WARS1: variants seen among roughly 807,000 people sequenced by gnomAD.
The protein encoded by WARS1 is tryptophanyl-tRNA synthetase 1, also known as tryptophan--tRNA ligase, cytoplasmic.
Under a neutral mutation model 47.8 loss-of-function variants are expected in WARS1, and 17 were observed. That is an observed-to-expected ratio of 0.36 (90% CI 0.24 to 0.53). The LOEUF (loss-of-function observed/expected upper bound fraction) is 0.53, where lower values mean the gene tolerates loss of function less well. Among genes scored for constraint, WARS1 ranks in the 20% least tolerant of loss-of-function variants. WARS1 has a pLI of 0.91. For missense variants in WARS1, 434 were observed against 608.0 expected, an observed-to-expected ratio of 0.71 and a Z score of 3.01; for synonymous variants, 208 against 228.1, an observed-to-expected ratio of 0.91 and a Z score of 0.79.
chr14:100,366,574 G>A, intron 2 of WARS1: 1 of 655,174 alleles, frequency 1.5e-6, no homozygotes, highest in Non-Finnish European at 2.8e-6. Flanking sequence ...CTACCATTAA[G>A]ATCTCAGAGA....
intron 10 of WARS1, among the ~76,000 whole-genome samples, chr14:100,336,275 C>A (rs77988268): frequency 8.4e-3 from 956 of 113,680 alleles, no homozygotes; most frequent in Non-Finnish European, 9.3e-3. Context: ...GACTCTGTCT[C>A]AAAAAAAAAA....
chr14:100,366,366 G>C (rs1895995101), intron 2 of WARS1, among the ~76,000 whole-genome samples: 1 of 152,228 alleles, frequency 6.6e-6, no homozygotes. Context: ...TCACTCTCCA[G>C]GAAGTGGAAC....
intron 9 of WARS1, chr14:100,340,442 C>T (rs979240998): frequency 6.6e-6 from 1 of 152,228 alleles, no homozygotes; most frequent in Admixed American, 6.5e-5. Context: ...CAGGTACTCA[C>T]TCAGCAAAGC....
chr14:100,337,445 G>C (rs1190889889), intron 9 of WARS1, among the ~76,000 whole-genome samples: 1 of 152,168 alleles, frequency 6.6e-6, no homozygotes, highest in Non-Finnish European at 1.5e-5. Context: ...GGGCAGATGA[G>C]CTTTGAACCC....
intron 9 of WARS1, among the ~76,000 whole-genome samples, chr14:100,339,312 G>A (rs944811237): frequency 1.3e-5 from 2 of 151,426 alleles, no homozygotes; most frequent in Admixed American, 1.3e-4. Flanking sequence ...CATGCGAGGG[G>A]CTGGCGCAGT....
Position 100,369,261 on chromosome 14 carries a change from G to C in WARS1, c.-73-3C>G. The C allele has an allele frequency of 3.1e-6, 3 of 960,786 alleles. No individual in the cohort carries two copies. The highest frequency in any genetic ancestry group is 5.1e-5 in the South Asian group (2 of 39,060). The allele number at this position is 960,786 out of a possible 1,614,324, so 59.5% of individuals were successfully genotyped here. On this transcript the variant is annotated splice_polypyrimidine_tract_variant and splice_region_variant and intron_variant, in intron 1 of 10. Transcript: ENST00000392882. ...TTTGTTCAGCAGACGAGTCAAGACT[G>C]GGGTGGGGGCGGGGAAGGAGAGAGA...
At chr14:100,344,784 G>C (rs993057717) in intron 7 of WARS1, among the ~76,000 whole-genome samples, 8 of 151,300 alleles carry the variant, frequency 5.3e-5, no homozygotes, top group Non-Finnish European at 1.0e-4. Flanking sequence ...GACCCCATCC[G>C]GGAGGTGAGG....
chr14:100,334,989 G>A lies in WARS1; in HGVS notation c.1302C>T (p.Leu434=), dbSNP rs1216835334. 4 of 1,614,010 alleles carry A rather than the reference G, an allele frequency of 2.5e-6. No individual in the cohort carries two copies. The highest frequency in any genetic ancestry group is 2.7e-5 in the African/African-American group (2 of 74,910). Residue 434 remains leucine (L), a synonymous_variant, in exon 11 of 11, where the codon CTC becomes CTT. Coordinates refer to ENST00000392882, the MANE Select transcript of WARS1 (RefSeq NM_004184.4). ...AMLTGELKKA[L]IEVLQPLIAE... is the part of the protein sequence containing the mutation. Reference sequence around the variant, plus strand: ...CGATCAAGGGCTGCAGAACCTCTATGAGTGCCTTCTTGAGCTCACCGGTGA... The same window carrying A: ...CGATCAAGGGCTGCAGAACCTCTATAAGTGCCTTCTTGAGCTCACCGGTGA...
intron 8 of WARS1, 53 bp downstream of exon 8, chr14:100,343,221 GA>G: frequency 6.8e-7 from 1 of 1,474,560 alleles, no homozygotes. Context: ...AGAGTAAGAG[GA>G]ACCTGCTGTC....
chr14:100,336,083 G>A (rs1444605986), intron 10 of WARS1, among the ~76,000 whole-genome samples: 1 of 151,802 alleles, frequency 6.6e-6, no homozygotes, highest in African/African-American at 2.4e-5. Context: ...AGACCATCTT[G>A]AATAAGACGG....
chr14:100,368,942 C>T (rs1896171680), intron 2 of WARS1, 145 bp downstream of exon 2: 2 of 448,200 alleles, frequency 4.5e-6, no homozygotes, highest in Admixed American at 4.6e-5. Flanking sequence ...GCCTGGGAAA[C>T]AAGAGTGAAA....
At chr14:100,338,743 T>G (rs564354820) in intron 9 of WARS1, among the ~76,000 whole-genome samples, 14 of 152,158 alleles carry the variant, frequency 9.2e-5, no homozygotes, top group African/African-American at 3.4e-4. Flanking sequence ...CTTAACTTTT[T>G]TTTAATGGGA....
chr14:100,340,569 C>G (rs1471445707), intron 9 of WARS1: 1 of 152,194 alleles, frequency 6.6e-6, no homozygotes, highest in East Asian at 1.9e-4. Context: ...TAGTAGCTCA[C>G]TGCAGCCTTG....
chr14:100,356,586 C>T (rs527271522), intron 4 of WARS1, among the ~76,000 whole-genome samples: 75 of 152,064 alleles, frequency 4.9e-4, no homozygotes, highest in African/African-American at 1.5e-3. Context: ...ACTACTGAAA[C>T]GAACCCAAGA....
chr14:100,344,892 C>A (rs1239526364), intron 7 of WARS1, among the ~76,000 whole-genome samples: 1 of 151,312 alleles, frequency 6.6e-6, no homozygotes, highest in Non-Finnish European at 1.5e-5. Context: ...CCGGCAGCCA[C>A]CCCGTCTGGG....
rs1213752672 is a variant in WARS1 at position 100,361,605 on chromosome 14, G to A, written c.313+103C>T. On this transcript the variant is annotated intron_variant, in intron 3 of 10. Transcript: ENST00000392882. ...TTTTTCTTGGCATTGAAGCTTCACTGAATTTATGATTAATTCAAAATTTAA... is the reference window on the plus strand; with the variant it reads ...TTTTTCTTGGCATTGAAGCTTCACTAAATTTATGATTAATTCAAAATTTAA... 15 of 1,248,884 alleles carry A rather than the reference G, an allele frequency of 1.2e-5. 1 individual carries two copies. Among genetic ancestry groups the A allele is most frequent in the Middle Eastern group, 5.5e-4 (2 of 3,616 alleles). The allele number at this position is 1,248,884 out of a possible 1,614,324, so 77.4% of individuals were successfully genotyped here.
chr14:100,337,280 T>C, intron 9 of WARS1, 78 bp from the exon 10 acceptor site: 1 of 1,573,788 alleles, frequency 6.4e-7, no homozygotes, highest in East Asian at 2.3e-5. Context: ...AGCCCAAGTG[T>C]GGAAGTCAGA....
chr14:100,369,003 G>T, intron 2 of WARS1, 84 bp downstream of exon 2: 1 of 996,854 alleles, frequency 1.0e-6, no homozygotes, highest in Non-Finnish European at 1.4e-6. Flanking sequence ...AGTCATTGAG[G>T]AAACCATCTA....
At chr14:100,355,865 A>C (rs774744040) in intron 4 of WARS1, among the ~76,000 whole-genome samples, 19 of 152,202 alleles carry the variant, frequency 1.2e-4, no homozygotes, top group Non-Finnish European at 2.5e-4. Flanking sequence ...TTTTGGAAGG[A>C]AAGAATCCTT....
Sources: allele counts gnomAD v4.1 joint callset (sites outside exome capture counted in the v4.1 genomes callset), GRCh38; gene constraint gnomAD v4.1.1; transcripts MANE v1.5; gene names NCBI Gene and HGNC (gene_info 2026-07-23, HGNC 2026-07-21).